ARHGAP44: variants seen among roughly 807,000 people sequenced by gnomAD.
ARHGAP44 encodes Rho GTPase activating protein 44, also known as rho GTPase-activating protein 44.
A neutral mutation model predicts 106.8 loss-of-function variants in ARHGAP44; 43 were observed. The ratio of observed to expected loss-of-function variants is 0.40; its 90% CI spans 0.32 to 0.52. ARHGAP44 has a LOEUF of 0.52. Ranked by LOEUF, ARHGAP44 falls within the 20% of genes least tolerant of loss-of-function variation. ARHGAP44 has a pLI of 0.48. For missense variants in ARHGAP44, 866 were observed against 1,050.5 expected, an observed-to-expected ratio of 0.82 and a Z score of 2.43; for synonymous variants, 439 against 410.3, an observed-to-expected ratio of 1.07 and a Z score of -0.85.
chr17:12,832,706 G>A (rs2035124512), intron 1 of ARHGAP44, among the ~76,000 whole-genome samples: 1 of 152,182 alleles, frequency 6.6e-6, no homozygotes, highest in Non-Finnish European at 1.5e-5. Flanking sequence ...AAGTTGGTTA[G>A]GTCAGATGTC....
chr17:12,976,176 T>A (rs1483970931), intron 18 of ARHGAP44, among the ~76,000 whole-genome samples: 1 of 151,958 alleles, frequency 6.6e-6, no homozygotes, highest in Non-Finnish European at 1.5e-5. Context: ...ACCCAAATCT[T>A]TCTCCAAACA....
At chr17:12,917,365 A>G (rs572948410) in intron 5 of ARHGAP44, 11 of 153,008 alleles carry the variant, frequency 7.2e-5, no homozygotes, top group African/African-American at 2.4e-4. Context: ...CAGTCCAGGA[A>G]CCTCAGAAGC....
intron 3 of ARHGAP44, 92 bp downstream of exon 3, chr17:12,896,603 G>A: frequency 2.7e-6 from 3 of 1,119,796 alleles, no homozygotes; most frequent in Non-Finnish European, 2.6e-6. Context: ...AGCTGTTTAT[G>A]TAGCTGCTTA....
At chr17:12,795,962 A>G (rs1346431650) in intron 1 of ARHGAP44, among the ~76,000 whole-genome samples, 1 of 152,162 alleles carries the variant, frequency 6.6e-6, no homozygotes, top group Admixed American at 6.5e-5. Context: ...ATTTTCCCAC[A>G]GAATTCAATT....
At chr17:12,826,179 C>G (rs2034914499) in intron 1 of ARHGAP44, among the ~76,000 whole-genome samples, 1 of 152,116 alleles carries the variant, frequency 6.6e-6, no homozygotes, top group Non-Finnish European at 1.5e-5. Context: ...TATCACTTAG[C>G]TATTAAGCCC....
intron 1 of ARHGAP44, among the ~76,000 whole-genome samples, chr17:12,871,858 G>T (rs1364903097): frequency 6.6e-6 from 1 of 152,090 alleles, no homozygotes; most frequent in Non-Finnish European, 1.5e-5. Context: ...TACCATGATT[G>T]TAAGTTTCCT....
At chr17:12,956,551 C>T (rs2039131136) in intron 14 of ARHGAP44, 104 bp from the exon 15 acceptor site, 2 of 893,100 alleles carry the variant, frequency 2.2e-6, no homozygotes, top group Admixed American at 2.1e-5. Context: ...TGTGGGGTTC[C>T]AGTCCAGGGC....
intron 19 of ARHGAP44, 135 bp from the exon 20 acceptor site, chr17:12,984,396 A>G: frequency 1.2e-6 from 1 of 859,366 alleles, no homozygotes; most frequent in Non-Finnish European, 1.6e-6. Context: ...GGGGCAGGGC[A>G]GGGAGGTGTG....
intron 5 of ARHGAP44, 26 bp from the exon 6 acceptor site, chr17:12,919,729 G>T: frequency 6.3e-7 from 1 of 1,591,030 alleles, no homozygotes; most frequent in Non-Finnish European, 8.6e-7. Context: ...CAGTTTAATT[G>T]TATCTTTTAT....
chr17:12,866,554 C>T (rs1456846592), intron 1 of ARHGAP44, among the ~76,000 whole-genome samples: 1 of 152,060 alleles, frequency 6.6e-6, no homozygotes, highest in African/African-American at 2.4e-5. Flanking sequence ...CTGGCCGGGG[C>T]CCTGGAAATT....
chr17:12,886,000 G>A (rs2036871137), intron 1 of ARHGAP44, among the ~76,000 whole-genome samples: 1 of 151,944 alleles, frequency 6.6e-6, no homozygotes, highest in African/African-American at 2.4e-5. Flanking sequence ...TGAAGTGTGT[G>A]ATCTATTATA....
intron 1 of ARHGAP44, among the ~76,000 whole-genome samples, chr17:12,881,544 A>G (rs928736422): frequency 2.0e-5 from 3 of 152,092 alleles, no homozygotes; most frequent in Admixed American, 6.6e-5. Context: ...CGATGCAAAC[A>G]TTGATATAAT....
rs149054311 is a variant in ARHGAP44, at chr17:12,914,767, G to A, written c.276-1133G>A. ...GCCAAGATCGTGCCACTGTACTCCA[G>A]CCTAGGCAACAAGAGTGAAACTCCA... On this transcript the variant is annotated intron_variant, in intron 4 of 20. Transcript: ENST00000379672. Among the ~76,000 whole-genome samples the A allele has an allele frequency of 4.2e-3, 594 of 142,558 alleles. 3 individuals are homozygous for A. Among genetic ancestry groups the A allele is most frequent in the African/African-American group, 0.014 (548 of 38,814 alleles). 93.5% of individuals were successfully genotyped at this position (142,558 alleles called of 152,430 possible). A position where few individuals can be genotyped will look rare whatever the true frequency, so the allele number is the denominator to read the frequency against.
At chr17:12,900,109 T>C (rs1297052775) in intron 3 of ARHGAP44, among the ~76,000 whole-genome samples, 1 of 152,178 alleles carries the variant, frequency 6.6e-6, no homozygotes, top group Non-Finnish European at 1.5e-5. Flanking sequence ...TACCTTTCCA[T>C]GTTGCCATCT....
intron 1 of ARHGAP44, among the ~76,000 whole-genome samples, chr17:12,814,309 C>T (rs912992781): frequency 1.4e-5 from 2 of 142,446 alleles, no homozygotes; most frequent in Non-Finnish European, 3.0e-5. Flanking sequence ...GGCGTGATCT[C>T]GGCTCACTGC....
chr17:12,885,473 C>T (rs1429754088), intron 1 of ARHGAP44, among the ~76,000 whole-genome samples: 2 of 151,630 alleles, frequency 1.3e-5, no homozygotes, highest in African/African-American at 2.4e-5. Context: ...CTGTGCCCAA[C>T]TCCTAGCAAT....
At chr17:12,946,733 G>A (rs570669446) in intron 10 of ARHGAP44, among the ~76,000 whole-genome samples, 81 of 151,816 alleles carry the variant, frequency 5.3e-4, no homozygotes, top group Admixed American at 9.2e-4. Context: ...CTGGGGAAGC[G>A]GAGGTTGCAA....
At chr17:12,851,991 T>A (rs1353853913) in intron 1 of ARHGAP44, among the ~76,000 whole-genome samples, 1 of 151,340 alleles carries the variant, frequency 6.6e-6, no homozygotes, top group Non-Finnish European at 1.5e-5. Flanking sequence ...TTTATTTCGC[T>A]CTGGTTTGAA....
chr17:12,942,628 T>A (rs1056988249), intron 8 of ARHGAP44, among the ~76,000 whole-genome samples: 1 of 152,208 alleles, frequency 6.6e-6, no homozygotes, highest in Non-Finnish European at 1.5e-5. Context: ...ATATTCTGAT[T>A]TTTAAAAAAG....
Sources: allele counts gnomAD v4.1 joint callset (sites outside exome capture counted in the v4.1 genomes callset), GRCh38; gene constraint gnomAD v4.1.1; transcripts MANE v1.5; gene names NCBI Gene and HGNC (gene_info 2026-07-23, HGNC 2026-07-21).